TENM1: variants seen among roughly 807,000 people sequenced by gnomAD.
TENM1 encodes the protein teneurin-1.
TENM1 carries 35 observed loss-of-function variants against 174.8 expected under a neutral mutation model. The observed-to-expected ratio is 0.20, with a 90% CI of 0.15 to 0.27. The LOEUF (loss-of-function observed/expected upper bound fraction) is 0.27, where lower values mean the gene tolerates loss of function less well. Among genes scored for constraint, TENM1 ranks in the 10% least tolerant of loss-of-function variants. The pLI is 1.00. For synonymous variants in TENM1, 781 were observed against 798.7 expected (o/e 0.98, Z 0.37); for missense variants, 1,633 against 2,130.1 (o/e 0.77, Z 4.59).
chrX:124,456,601 T>A (rs141442117), intron 22 of TENM1, among the ~76,000 whole-genome samples: 1 of 111,999 alleles, frequency 8.9e-6, no homozygotes, highest in Non-Finnish European at 1.9e-5. Context: ...CCTCCCATAA[T>A]GCTTATTGTT....
At chrX:124,826,196 A>G (rs868575522) in intron 3 of TENM1, among the ~76,000 whole-genome samples, 27 of 110,585 alleles carry the variant, frequency 2.4e-4, no homozygotes, top group Middle Eastern at 4.7e-3. Context: ...GATCGCTTGA[A>G]CCCAGGAGTT....
At chrX:124,986,808 A>AT in the TENM1 span, among the ~76,000 whole-genome samples, 13 of 110,895 alleles carry the variant, frequency 1.2e-4, no homozygotes, top group East Asian at 3.4e-3. Context: ...CATCCGGCTA[A>AT]TTTTTGTATT....
In TENM1 at chrX:124,386,084, G is replaced by A. The variant is rs1353806666; in HGVS notation, c.5689-20C>T. On this transcript the variant is annotated intron_variant, in intron 28 of 31. Transcript: ENST00000422452. The stretch of plus-strand genomic sequence containing the variant: ...CACAGACTGAAACGAGACAAAGGCA[G>A]AATAGCATATTATGGACAACTAAAG... The A allele has an allele frequency of 2.6e-6, 3 of 1,167,594 alleles. No homozygotes were observed. In the East Asian group the frequency reaches 9.0e-5, roughly 35 times the overall value.
chrX:124,861,791 A>G (rs2056916299), intron 3 of TENM1, among the ~76,000 whole-genome samples: 1 of 112,253 alleles, frequency 8.9e-6, no homozygotes, highest in Admixed American at 9.4e-5. Flanking sequence ...ACTCAAAACA[A>G]TACATGCATG....
chrX:124,743,051 T>G lies in TENM1; in HGVS notation c.536-5854A>C, dbSNP rs868389233. Among the ~76,000 whole-genome samples, 4 of 111,898 alleles carry G rather than the reference T, an allele frequency of 3.6e-5. No homozygotes were observed. The South Asian group carries it at 1.1e-3, about 31-fold the overall frequency. On this transcript the variant is annotated intron_variant, in intron 3 of 31. Transcript: ENST00000422452. Reference sequence around the variant, plus strand: ...TGTTACTACTTAATGGTATTTTACCTGTCACAAAGAGCTTTTGTAACTTGT... The same window carrying G: ...TGTTACTACTTAATGGTATTTTACCGGTCACAAAGAGCTTTTGTAACTTGT...
intron 22 of TENM1, among the ~76,000 whole-genome samples, chrX:124,466,061 G>A (rs1238736581): frequency 2.7e-5 from 3 of 111,546 alleles, no homozygotes; most frequent in Non-Finnish European, 5.6e-5. Flanking sequence ...CTAGTGTGTT[G>A]TTGACATCAG....
At chrX:124,908,686 C>A (rs1264160248) in intron 1 of TENM1, among the ~76,000 whole-genome samples, 1 of 110,716 alleles carries the variant, frequency 9.0e-6, no homozygotes, top group Non-Finnish European at 1.9e-5. Context: ...AAAGAAGATG[C>A]TAAATTAATG....
At chrX:124,849,420 T>C (rs752361143) in intron 3 of TENM1, among the ~76,000 whole-genome samples, 5 of 102,256 alleles carry the variant, frequency 4.9e-5, no homozygotes, top group Admixed American at 4.0e-4. Context: ...TCTCTTTCTT[T>C]TTTTCTCTCT....
At chrX:125,095,169 G>A in the TENM1 span, among the ~76,000 whole-genome samples, 2 of 111,611 alleles carry the variant, frequency 1.8e-5, no homozygotes, top group East Asian at 5.6e-4. Flanking sequence ...GCTCTCTAGT[G>A]CTTCTGACAC....
At chrX:124,945,721 T>C (rs1025887976) in intron 1 of TENM1, among the ~76,000 whole-genome samples, 3 of 109,871 alleles carry the variant, frequency 2.7e-5, no homozygotes, top group Non-Finnish European at 3.8e-5. Context: ...GGGTCAGGAG[T>C]TCTGTTTTGA....
At chrX:124,655,116 TC>T (rs2051407685) in intron 6 of TENM1, among the ~76,000 whole-genome samples, 1 of 111,532 alleles carries the variant, frequency 9.0e-6, no homozygotes, top group African/African-American at 3.3e-5. Context: ...TGTCGCATGG[TC>T]TACAGCCCAC....
At chrX:124,726,476 T>C (rs2053445120) in intron 4 of TENM1, among the ~76,000 whole-genome samples, 2 of 112,466 alleles carry the variant, frequency 1.8e-5, no homozygotes, top group Middle Eastern at 4.2e-3. Flanking sequence ...TCATGTGGTG[T>C]AGGCTGAAAA....
chrX:125,120,644 G>A, the TENM1 span, among the ~76,000 whole-genome samples: 1 of 111,730 alleles, frequency 9.0e-6, no homozygotes, highest in Non-Finnish European at 1.9e-5. Context: ...GAATTAAAAT[G>A]TGTTCAATCC....
chrX:124,649,810 T>C (rs984926967), intron 8 of TENM1, among the ~76,000 whole-genome samples: 2 of 112,152 alleles, frequency 1.8e-5, no homozygotes, highest in Non-Finnish European at 3.8e-5. Context: ...AATAGATAAA[T>C]GAGCAGCGTT....
At chrX:124,445,955 A>C (rs1403977734) in intron 23 of TENM1, among the ~76,000 whole-genome samples, 3 of 112,469 alleles carry the variant, frequency 2.7e-5, no homozygotes, top group African/African-American at 9.7e-5. Context: ...CAGTGCTTAC[A>C]AAGGGCAGTT....
At chrX:124,776,638 T>C (rs766117976) in intron 3 of TENM1, among the ~76,000 whole-genome samples, 2 of 112,221 alleles carry the variant, frequency 1.8e-5, no homozygotes, top group East Asian at 5.6e-4. Context: ...CAAAATTTTA[T>C]GAGTAAATAT....
At chrX:125,026,731 AAATT>A in the TENM1 span, among the ~76,000 whole-genome samples, 312 of 112,405 alleles carry the variant, frequency 2.8e-3, no homozygotes, top group Middle Eastern at 9.3e-3. Flanking sequence ...AAAATTAAAT[AAATT>A]AATTAATGTA....
At chrX:125,202,878 T>A in the TENM1 span, among the ~76,000 whole-genome samples, 1 of 112,255 alleles carries the variant, frequency 8.9e-6, no homozygotes, top group African/African-American at 3.2e-5. Context: ...CCTCCTGTTA[T>A]GGAGTGGAAG....
At chrX:125,193,951 A>AT in the TENM1 span, among the ~76,000 whole-genome samples, 183 of 107,337 alleles carry the variant, frequency 1.7e-3, no homozygotes, top group Non-Finnish European at 2.6e-3. Context: ...CGCCCAGTTA[A>AT]TTTTTTTTTT....
Sources: gnomAD v4.1 joint callset for allele counts (sites outside exome capture counted in the v4.1 genomes callset) on GRCh38, gnomAD v4.1.1 for gene constraint, MANE v1.5 for transcripts, NCBI Gene and HGNC (gene_info 2026-07-23, HGNC 2026-07-21) for gene names.